Variants in PCSK5 observed in about 807,000 individuals in gnomAD.
The protein encoded by PCSK5 is proprotein convertase subtilisin/kexin type 5.
In PCSK5, 129 loss-of-function variants were observed where a neutral mutation model predicts 233.2. The observed-to-expected ratio is 0.55, with a 90% CI of 0.48 to 0.64. The LOEUF (loss-of-function observed/expected upper bound fraction) is 0.64, where lower values mean the gene tolerates loss of function less well. Ranked by LOEUF, PCSK5 falls within the 30% of genes least tolerant of loss-of-function variation. The pLI is 0.00. For synonymous variants in PCSK5, 825 were observed against 879.2 expected (o/e 0.94, Z 1.09); for missense variants, 2,076 against 2,430.1 (o/e 0.85, Z 3.06).
intron 3 of PCSK5, among the ~76,000 whole-genome samples, chr9:75,994,396 C>CTTTTTTTTTTTTTTT (rs1826907729): frequency 1.5e-5 from 1 of 68,338 alleles, no homozygotes; most frequent in African/African-American, 5.4e-5. Context: ...TTCTTTCTTT[C>CTTTTTTTTTTTTTTT]TTTCTTTTTT....
intron 1 of PCSK5, among the ~76,000 whole-genome samples, chr9:75,917,012 T>C (rs1018850953): frequency 6.6e-6 from 1 of 151,554 alleles, no homozygotes; most frequent in Non-Finnish European, 1.5e-5. Context: ...GTACTAAAAA[T>C]ACAAAAATTA....
intron 1 of PCSK5, among the ~76,000 whole-genome samples, chr9:75,908,901 A>ATCTATCTG (rs1554704450): frequency 1.6e-5 from 2 of 128,916 alleles, no homozygotes; most frequent in African/African-American, 6.1e-5. Flanking sequence ...CTATCTATCT[A>ATCTATCTG]TCTATCTATC....
intron 2 of PCSK5, among the ~76,000 whole-genome samples, chr9:75,985,182 G>A (rs1222639463): frequency 2.0e-5 from 3 of 152,122 alleles, no homozygotes; most frequent in East Asian, 1.9e-4. Flanking sequence ...GAGACATCCC[G>A]CTAAAACTGG....
At position 76,067,973 on chromosome 9, in the gene PCSK5, T is replaced by C. The variant is rs1277646980; in HGVS notation, c.651T>C (p.Ala217=). ...CCTGCAGGCATGGGACTCGCTGTGC[T>C]GGAGAAGTGGCAGCCGCTGCAAACA... ...SNENKHGTRC[A]GEVAAAANNS... is the part of the protein sequence containing the mutation. Residue 217 remains alanine (A), a synonymous_variant, in exon 6 of 38, where the codon GCT becomes GCC. Coordinates refer to ENST00000674117, the MANE Select transcript of PCSK5 (RefSeq NM_001372043.1). 6.2e-7 allele frequency: 1 copy of C among 1,613,812 alleles called. No homozygotes were observed. The highest frequency in any genetic ancestry group is 8.5e-7 in the Non-Finnish European group (1 of 1,179,878).
intron 7 of PCSK5, among the ~76,000 whole-genome samples, chr9:76,095,100 A>G (rs770753361): frequency 2.6e-5 from 4 of 152,234 alleles, no homozygotes; most frequent in Admixed American, 6.5e-5. Context: ...AAGTTTTGCA[A>G]TGAAGAGGCT....
intron 1 of PCSK5, among the ~76,000 whole-genome samples, chr9:75,902,633 A>G (rs1296470853): frequency 6.6e-6 from 1 of 152,170 alleles, no homozygotes; most frequent in East Asian, 1.9e-4. Context: ...ATGGGTTGGA[A>G]AGAGTCAAGA....
Position 76,359,081 on chromosome 9 carries a change from T to C in PCSK5, c.*159T>C. The C allele has an allele frequency of 4.9e-6, 3 of 609,134 alleles. No homozygotes were observed. In the South Asian group the frequency reaches 6.3e-5, roughly 13 times the overall value. The allele number at this position is 609,134 out of a possible 1,614,324, so 37.7% of individuals were successfully genotyped here. A position where few individuals can be genotyped will look rare whatever the true frequency, so the allele number is the denominator to read the frequency against. The stretch of plus-strand genomic sequence containing the variant: ...AGAATATGTAAGAATGATGAAATAC[T>C]TTGTTCTTCTTTTGAGTGGCTAAAC... On this transcript the variant is annotated 3_prime_UTR_variant, in exon 38 of 38. Coordinates refer to ENST00000674117, the MANE Select transcript of PCSK5 (RefSeq NM_001372043.1).
chr9:76,244,920 C>A (rs1826542250), intron 24 of PCSK5, among the ~76,000 whole-genome samples: 1 of 152,100 alleles, frequency 6.6e-6, no homozygotes, highest in Non-Finnish European at 1.5e-5. Context: ...TATTTGATGT[C>A]AATTCTTTCT....
At chr9:76,345,160 T>C (rs991061255) in intron 35 of PCSK5, among the ~76,000 whole-genome samples, 2 of 152,028 alleles carry the variant, frequency 1.3e-5, no homozygotes, top group African/African-American at 4.8e-5. Flanking sequence ...TCCCAGTGTC[T>C]ATTGTTCCCT....
Position 76,216,214 on chromosome 9 carries a change from T to C in PCSK5, c.2627-11289T>C, listed in dbSNP as rs550435210. 7.7e-4 allele frequency among the ~76,000 whole-genome samples: 117 copies of C among 152,108 alleles called. 1 individual carries two copies. The highest frequency in any genetic ancestry group is 1.6e-3 in the Non-Finnish European group (111 of 67,994). On this transcript the variant is annotated intron_variant, in intron 20 of 37. Transcript: ENST00000674117. Reference sequence around the variant, plus strand: ...TGGTGGAGGGAGACAGAGGCTACAATGCCACTGGTGGAACCCGGCGCTCTA... The same window carrying C: ...TGGTGGAGGGAGACAGAGGCTACAACGCCACTGGTGGAACCCGGCGCTCTA...
intron 7 of PCSK5, among the ~76,000 whole-genome samples, chr9:76,090,155 A>G (rs1193134634): frequency 6.6e-6 from 1 of 152,178 alleles, no homozygotes; most frequent in Non-Finnish European, 1.5e-5. Flanking sequence ...AGAAAATGTC[A>G]TTATTTCCCA....
intron 12 of PCSK5, among the ~76,000 whole-genome samples, chr9:76,166,502 A>G (rs1398533554): frequency 2.6e-5 from 4 of 152,364 alleles, no homozygotes; most frequent in Middle Eastern, 3.4e-3. Flanking sequence ...CTGCTAATCC[A>G]GCAGTCAAAT....
chr9:75,940,958 C>A (rs1179499161), intron 2 of PCSK5, among the ~76,000 whole-genome samples: 1 of 152,190 alleles, frequency 6.6e-6, no homozygotes, highest in Non-Finnish European at 1.5e-5. Flanking sequence ...TGTCTGAGGT[C>A]AGTCTTAACA....
chr9:76,212,297 A>G (rs376125506), intron 20 of PCSK5, among the ~76,000 whole-genome samples: 61 of 152,232 alleles, frequency 4.0e-4, no homozygotes, highest in African/African-American at 1.4e-3. Context: ...CTGTAGGGGG[A>G]AGGGGCTGTG....
At chr9:76,137,471 A>G (rs906596352) in intron 10 of PCSK5, among the ~76,000 whole-genome samples, 9 of 152,010 alleles carry the variant, frequency 5.9e-5, no homozygotes, top group Non-Finnish European at 1.2e-4. Flanking sequence ...TTAAATAATA[A>G]TAACAATCTC....
intron 3 of PCSK5, among the ~76,000 whole-genome samples, chr9:75,995,022 C>T (rs1322759964): frequency 1.3e-5 from 2 of 152,200 alleles, no homozygotes; most frequent in African/African-American, 4.8e-5. Context: ...ATAGAACATA[C>T]CAAATTCCTT....
intron 2 of PCSK5, among the ~76,000 whole-genome samples, chr9:75,942,198 C>G (rs978985741): frequency 6.6e-6 from 1 of 152,162 alleles, no homozygotes; most frequent in African/African-American, 2.4e-5. Flanking sequence ...GGAGCTGGCT[C>G]GGTGTTGCCA....
chr9:75,950,142 T>TGGGGGGGGGGG (rs1563932278), intron 2 of PCSK5, among the ~76,000 whole-genome samples: 1 of 98,340 alleles, frequency 1.0e-5, no homozygotes, highest in African/African-American at 3.6e-5. Context: ...TGTGTGTGTG[T>TGGGGGGGGGGG]GTGGGGGGGG....
intron 24 of PCSK5, among the ~76,000 whole-genome samples, chr9:76,290,078 A>C (rs1219295782): frequency 6.6e-6 from 1 of 152,370 alleles, no homozygotes; most frequent in African/African-American, 2.4e-5. Flanking sequence ...CCAAATTAGC[A>C]AAACTGTTAG....
Sources: gnomAD v4.1 joint callset for allele counts (sites outside exome capture counted in the v4.1 genomes callset) on GRCh38, gnomAD v4.1.1 for gene constraint, MANE v1.5 for transcripts, NCBI Gene and HGNC (gene_info 2026-07-23, HGNC 2026-07-21) for gene names.